Variants in BUB1B observed in about 807,000 individuals in gnomAD.
BUB1B encodes BUB1 mitotic checkpoint serine/threonine kinase B.
In BUB1B, 86 loss-of-function variants were observed where a neutral mutation model predicts 137.7. The ratio of observed to expected loss-of-function variants is 0.62; its 90% CI spans 0.52 to 0.75. The LOEUF (loss-of-function observed/expected upper bound fraction) is 0.75, where lower values mean the gene tolerates loss of function less well. BUB1B is among the 30% of genes least tolerant of loss of function. The probability of loss-of-function intolerance (pLI) is 0.00; values close to 1 mark genes in which losing one functional copy is unlikely to be tolerated. For synonymous variants in BUB1B, 420 were observed against 417.9 expected, an observed-to-expected ratio of 1.00 and a Z score of -0.06; for missense variants, 1,130 against 1,236.9, an observed-to-expected ratio of 0.91 and a Z score of 1.30.
intron 9 of BUB1B, among the ~76,000 whole-genome samples, chr15:40,198,284 C>G (rs1390805692): frequency 6.6e-6 from 1 of 150,884 alleles, no homozygotes; most frequent in African/African-American, 2.4e-5. Context: ...CCTGTGTTGC[C>G]CAGGCTGGTC....
chr15:40,169,085 A>G (rs1197128855), intron 2 of BUB1B, among the ~76,000 whole-genome samples: 4 of 152,126 alleles, frequency 2.6e-5, no homozygotes, highest in African/African-American at 7.2e-5. Flanking sequence ...TGCTTATCCA[A>G]TTTTTATTAA....
chr15:40,190,266 C>T (rs2037419440), intron 8 of BUB1B, among the ~76,000 whole-genome samples: 1 of 152,176 alleles, frequency 6.6e-6, no homozygotes, highest in South Asian at 2.1e-4. Flanking sequence ...TAAATCTTAT[C>T]AACTTCAGCA....
At chr15:40,190,585 C>T (rs28792493) in intron 8 of BUB1B, among the ~76,000 whole-genome samples, 1 of 151,976 alleles carries the variant, frequency 6.6e-6, no homozygotes, top group Admixed American at 6.6e-5. Flanking sequence ...CTGTACTCCA[C>T]CCTAGGCAAC....
In BUB1B at chr15:40,220,675, T is replaced by C. The variant is rs778324895; in HGVS notation, c.3069T>C (p.Phe1023=). Residue 1023 remains phenylalanine (F), a synonymous_variant, in exon 23 of 23, where the codon TTT becomes TTC. Transcript: ENST00000287598. ...TTGCAGCAGAAATGAATGGGGTTTT[T>C]GACACTACATTCCAAAGTCACCTGA... is the stretch of plus-strand genomic sequence containing the variant. ...GELAAEMNGV[F]DTTFQSHLNK... 2 of 1,614,230 alleles carry C rather than the reference T, an allele frequency of 1.2e-6. No homozygotes were observed. The highest frequency in any genetic ancestry group is 3.3e-5 in the Admixed American group (2 of 60,020).
intron 20 of BUB1B, among the ~76,000 whole-genome samples, chr15:40,214,513 T>C (rs1330871353): frequency 2.0e-5 from 3 of 152,186 alleles, no homozygotes; most frequent in African/African-American, 7.2e-5. Context: ...AGGTGTTAAC[T>C]TTGTTTCTGA....
At chr15:40,174,011 G>A in intron 4 of BUB1B, 1 of 405,238 alleles carries the variant, frequency 2.5e-6, no homozygotes, top group Non-Finnish European at 4.7e-6. Flanking sequence ...CAATTTAAGG[G>A]TTACCAAAAA....
chr15:40,173,447 T>C (rs755799810), intron 4 of BUB1B, among the ~76,000 whole-genome samples: 7 of 152,198 alleles, frequency 4.6e-5, no homozygotes, highest in Non-Finnish European at 1.5e-5. Flanking sequence ...CTGGTGCTTG[T>C]ACTGAAGAAG....
intron 1 of BUB1B, among the ~76,000 whole-genome samples, chr15:40,164,621 G>C (rs1412076847): frequency 1.4e-5 from 2 of 147,140 alleles, no homozygotes; most frequent in African/African-American, 5.0e-5. Flanking sequence ...TAACACTTTT[G>C]TTCCCTTCTT....
At chr15:40,195,722 C>G (rs1380553863) in intron 8 of BUB1B, among the ~76,000 whole-genome samples, 1 of 152,092 alleles carries the variant, frequency 6.6e-6, no homozygotes, top group African/African-American at 2.4e-5. Flanking sequence ...TTTGCATTTC[C>G]CTGATAATTA....
chr15:40,163,774 A>C (rs1171739170), intron 1 of BUB1B, among the ~76,000 whole-genome samples: 1 of 152,236 alleles, frequency 6.6e-6, no homozygotes, highest in Non-Finnish European at 1.5e-5. Context: ...GAAATATGCC[A>C]TAGGAACTTA....
rs572125140 is a variant in BUB1B at position 40,165,107 on chromosome 15, A to G, written c.90A>G (p.Gln30=). ...DEWELSKENV[Q]PLRQGRIMST... is the part of the protein sequence containing the mutation. ...GGGAACTGAGTAAAGAAAATGTACA[A>G]CCTTTAAGGCAAGGGCGGATCATGT... The change falls in exon 2 of 23, where the codon CAA becomes CAG. Residue 30 remains glutamine (Q), a synonymous_variant. Transcript: ENST00000287598. 1.9e-5 allele frequency: 30 copies of G among 1,614,146 alleles called. 1 individual carries two copies. In the South Asian group the frequency reaches 2.6e-4, roughly 14 times the overall value.
At chr15:40,215,245 G>A (rs771295290) in intron 20 of BUB1B, among the ~76,000 whole-genome samples, 2 of 152,018 alleles carry the variant, frequency 1.3e-5, no homozygotes, top group African/African-American at 2.4e-5. Flanking sequence ...AGGCTGAGGC[G>A]GGCAGATCAC....
chr15:40,195,423 G>C (rs530755076), intron 8 of BUB1B, among the ~76,000 whole-genome samples: 1 of 152,206 alleles, frequency 6.6e-6, no homozygotes, highest in East Asian at 1.9e-4. Context: ...TTGCAGTTGT[G>C]AATTATGCTG....
In BUB1B at chr15:40,185,330, A is replaced by G. The variant is rs2140890832; in HGVS notation, c.917A>G (p.Asn306Ser). ...IAPPMPRAKE[N>S]ELQAGPWNTG... ...CCCCCCATGCCCAGGGCCAAAGAGAATGAGCTGCAAGCAGGCCCTTGGAAC... is the reference window on the plus strand; with the variant it reads ...CCCCCCATGCCCAGGGCCAAAGAGAGTGAGCTGCAAGCAGGCCCTTGGAAC... Residue 306 changes from asparagine (N) to serine (S), a missense_variant, in exon 7 of 23, where the codon AAT becomes AGT. Coordinates refer to ENST00000287598, the MANE Select transcript of BUB1B (RefSeq NM_001211.6). 2.5e-6 allele frequency: 4 copies of G among 1,614,192 alleles called. No individual in the cohort carries two copies. Among genetic ancestry groups the G allele is most frequent in the Non-Finnish European group, 3.4e-6 (4 of 1,180,038 alleles).
intron 2 of BUB1B, among the ~76,000 whole-genome samples, chr15:40,167,463 C>A (rs1342659315): frequency 6.6e-6 from 1 of 151,358 alleles, no homozygotes; most frequent in Non-Finnish European, 1.5e-5. Flanking sequence ...CTGCCTCAGC[C>A]TCCTGAGTAG....
chr15:40,209,904 G>T, intron 17 of BUB1B, 129 bp downstream of exon 17: 1 of 1,187,466 alleles, frequency 8.4e-7, no homozygotes, highest in South Asian at 1.3e-5. Flanking sequence ...GCAATATAGA[G>T]GATGACACAT....
chr15:40,208,792 A>G, intron 16 of BUB1B, 22 bp downstream of exon 16: 1 of 1,595,294 alleles, frequency 6.3e-7, no homozygotes, highest in Non-Finnish European at 8.6e-7. Context: ...ATACCACTAT[A>G]TCCATGCCTA....
At chr15:40,188,513 C>G (rs772239540) in intron 8 of BUB1B, among the ~76,000 whole-genome samples, 1 of 151,424 alleles carries the variant, frequency 6.6e-6, no homozygotes, top group Non-Finnish European at 1.5e-5. Context: ...CTACTTTGTC[C>G]TTGTCTTTTG....
intron 12 of BUB1B, among the ~76,000 whole-genome samples, chr15:40,201,426 C>T (rs914184730): frequency 1.3e-5 from 2 of 151,964 alleles, no homozygotes; most frequent in African/African-American, 2.4e-5. Flanking sequence ...CTAATTAAAC[C>T]TCTGTTTCTA....
Sources: allele counts gnomAD v4.1 joint callset (sites outside exome capture counted in the v4.1 genomes callset), GRCh38; gene constraint gnomAD v4.1.1; transcripts MANE v1.5; gene names NCBI Gene and HGNC (gene_info 2026-07-23, HGNC 2026-07-21).